The following RSRC1 variants were observed in gnomAD, a reference collection of about 807,000 sequenced individuals.
RSRC1 encodes the protein serine/Arginine-related protein 53.
In RSRC1, 39 loss-of-function variants were observed where a neutral mutation model predicts 49.1. That is an observed-to-expected ratio of 0.79 (90% CI 0.61 to 1.04). The LOEUF is 1.04. Among genes scored for constraint, RSRC1 ranks in the 50% least tolerant of loss-of-function variants. The pLI is 0.00. For synonymous variants in RSRC1, 143 were observed against 130.8 expected, an observed-to-expected ratio of 1.09 and a Z score of -0.63; for missense variants, 388 against 402.4, an observed-to-expected ratio of 0.96 and a Z score of 0.31.
chr3:158,426,453 G>C (rs780520869), intron 6 of RSRC1, among the ~76,000 whole-genome samples: 1 of 151,444 alleles, frequency 6.6e-6, no homozygotes, highest in Admixed American at 6.6e-5. Flanking sequence ...TTTTTAAGGA[G>C]ATACACAGCC....
intron 7 of RSRC1, among the ~76,000 whole-genome samples, chr3:158,535,918 G>A (rs1462260576): frequency 6.6e-6 from 1 of 151,486 alleles, no homozygotes; most frequent in Non-Finnish European, 1.5e-5. Flanking sequence ...AATAGTTAAT[G>A]AGGAAATGTT....
chr3:158,290,999 A>G (rs1055001926), intron 4 of RSRC1, among the ~76,000 whole-genome samples: 3 of 152,194 alleles, frequency 2.0e-5, no homozygotes, highest in Admixed American at 6.5e-5. Flanking sequence ...TTCAAGACCA[A>G]CTTGGACAAC....
At chr3:158,503,682 A>G (rs1479199318) in intron 7 of RSRC1, among the ~76,000 whole-genome samples, 2 of 152,048 alleles carry the variant, frequency 1.3e-5, no homozygotes, top group Non-Finnish European at 1.5e-5. Context: ...GGCGGCAGTC[A>G]CAGGCCTCAT....
intron 7 of RSRC1, among the ~76,000 whole-genome samples, chr3:158,488,154 A>G (rs2108444387): frequency 6.6e-6 from 1 of 152,218 alleles, no homozygotes; most frequent in South Asian, 2.1e-4. Context: ...GTGAAGGTTT[A>G]CAACTATCCT....
chr3:158,439,038 A>T (rs6441197), intron 6 of RSRC1, among the ~76,000 whole-genome samples: 75,671 of 151,864 alleles, frequency 0.5, 19,155 homozygotes, highest in South Asian at 0.6. Flanking sequence ...GAAGACATTT[A>T]TGCAGCCAAA....
chr3:158,264,406 T>G (rs1185150636), intron 4 of RSRC1, among the ~76,000 whole-genome samples: 1 of 152,240 alleles, frequency 6.6e-6, no homozygotes, highest in Non-Finnish European at 1.5e-5. Flanking sequence ...CGAATCCTTT[T>G]AAATGTATTT....
chr3:158,296,797 A>G (rs1372531887), intron 4 of RSRC1, among the ~76,000 whole-genome samples: 2 of 152,072 alleles, frequency 1.3e-5, no homozygotes, highest in African/African-American at 2.4e-5. Context: ...AGAAGCAGGA[A>G]ATACAGAAGA....
At chr3:158,490,063 C>T (rs1160608301) in intron 7 of RSRC1, among the ~76,000 whole-genome samples, 1 of 152,080 alleles carries the variant, frequency 6.6e-6, no homozygotes. Flanking sequence ...AAACCTCTTT[C>T]TTTACTACCT....
Position 158,299,771 on chromosome 3 carries a change from G to A in RSRC1, c.531+1696G>A, listed in dbSNP as rs964259358. Among the ~76,000 whole-genome samples the A allele has an allele frequency of 2.0e-5, 3 of 152,136 alleles. No individual in the cohort carries two copies. In the East Asian group the frequency reaches 5.8e-4, roughly 29 times the overall value. On this transcript the variant is annotated intron_variant, in intron 5 of 9. Coordinates refer to ENST00000611884, the MANE Select transcript of RSRC1 (RefSeq NM_001271838.2). ...TTCGTATGTTTTATACTTACTAGTA[G>A]CATCTCATTTTCAGTGACTATTTCA...
At chr3:158,262,426 T>C (rs1429864077) in intron 4 of RSRC1, among the ~76,000 whole-genome samples, 1 of 152,224 alleles carries the variant, frequency 6.6e-6, no homozygotes, top group Non-Finnish European at 1.5e-5. Flanking sequence ...AAAAATCAGT[T>C]GTTCACAAAT....
At chr3:158,401,102 A>G (rs935981957) in intron 6 of RSRC1, among the ~76,000 whole-genome samples, 5 of 152,100 alleles carry the variant, frequency 3.3e-5, no homozygotes, top group African/African-American at 1.2e-4. Flanking sequence ...AGTAGGCTAT[A>G]CTGTATAGCC....
intron 6 of RSRC1, among the ~76,000 whole-genome samples, chr3:158,457,740 G>GT (rs762873924): frequency 0.11 from 8,299 of 78,674 alleles, 282 homozygotes; most frequent in South Asian, 0.22. Flanking sequence ...GTTTTTTTTT[G>GT]TTTTTTTTTT....
intron 7 of RSRC1, among the ~76,000 whole-genome samples, chr3:158,499,951 G>C (rs531155854): frequency 6.6e-6 from 1 of 152,288 alleles, no homozygotes; most frequent in African/African-American, 2.4e-5. Context: ...CCAGCTCTCA[G>C]AGGGAATGCT....
At chr3:158,363,342 C>T (rs1334014968) in intron 6 of RSRC1, among the ~76,000 whole-genome samples, 1 of 151,528 alleles carries the variant, frequency 6.6e-6, no homozygotes, top group African/African-American at 2.4e-5. Flanking sequence ...CGGCTCACCA[C>T]GTCCTCTGTC....
intron 7 of RSRC1, among the ~76,000 whole-genome samples, chr3:158,532,688 A>T (rs1712474532): frequency 6.6e-6 from 1 of 151,878 alleles, no homozygotes; most frequent in East Asian, 1.9e-4. Context: ...TTTTTATTTT[A>T]CTATGAAGTA....
At chr3:158,281,898 T>C (rs562972098) in intron 4 of RSRC1, among the ~76,000 whole-genome samples, 3 of 152,282 alleles carry the variant, frequency 2.0e-5, no homozygotes, top group Admixed American at 6.5e-5. Flanking sequence ...ATGAGTAACA[T>C]GGTAGCTGAG....
chr3:158,264,519 G>A (rs997097797), intron 4 of RSRC1, among the ~76,000 whole-genome samples: 2 of 152,002 alleles, frequency 1.3e-5, no homozygotes, highest in Admixed American at 1.3e-4. Context: ...TGTCAATTGG[G>A]TCACGCAGGT....
At chr3:158,175,198 G>GT (rs1005997629) in intron 3 of RSRC1, among the ~76,000 whole-genome samples, 56 of 150,728 alleles carry the variant, frequency 3.7e-4, no homozygotes, top group Admixed American at 2.5e-3. Flanking sequence ...GTTTTTAAGG[G>GT]TTTTTTTTCA....
rs147484374 is a variant in RSRC1 at position 158,182,465 on chromosome 3, C to T, written c.321-20607C>T. Among the ~76,000 whole-genome samples, 239 of 152,230 alleles carry T rather than the reference C, an allele frequency of 1.6e-3. 4 individuals carry two copies. Among genetic ancestry groups the T allele is most frequent in the African/African-American group, 5.6e-3 (233 of 41,538 alleles). On this transcript the variant is annotated intron_variant, in intron 3 of 9. Transcript: ENST00000611884. Reference sequence around the variant, plus strand: ...TTCGTAATTCACTGGACTGGTAGAACTTTCAAGGATTTCAAGATATCCTAC... The same window carrying T: ...TTCGTAATTCACTGGACTGGTAGAATTTTCAAGGATTTCAAGATATCCTAC...
Sources: gnomAD v4.1 joint callset for allele counts (sites outside exome capture counted in the v4.1 genomes callset) on GRCh38, gnomAD v4.1.1 for gene constraint, MANE v1.5 for transcripts, NCBI Gene and HGNC (gene_info 2026-07-23, HGNC 2026-07-21) for gene names.